UBAC1: variants seen among roughly 807,000 people sequenced by gnomAD.
The protein encoded by UBAC1 is UBA domain containing 1.
UBAC1 carries 27 observed loss-of-function variants against 45.9 expected under a neutral mutation model. The ratio of observed to expected loss-of-function variants is 0.59; its 90% confidence interval spans 0.43 to 0.81. The LOEUF (loss-of-function observed/expected upper bound fraction) is 0.81. UBAC1 is among the 30% of genes least tolerant of loss of function. UBAC1 has a pLI of 0.00. For synonymous variants in UBAC1, 227 were observed against 215.5 expected, an observed-to-expected ratio of 1.05 and a Z score of -0.47; for missense variants, 529 against 539.2, an observed-to-expected ratio of 0.98 and a Z score of 0.19.
chr9:135,948,087 CGTGT>C, intron 3 of UBAC1, 182 bp from the exon 4 acceptor site: 1 of 580,710 alleles, frequency 1.7e-6, no homozygotes, highest in South Asian at 2.2e-5. Context: ...GGACAGCAGA[CGTGT>C]CCTCAGCGTC....
chr9:135,960,590 GA>G (rs34640525), intron 1 of UBAC1, among the ~76,000 whole-genome samples: 147,273 of 152,186 alleles, frequency 0.97, 71,452 homozygotes, highest in East Asian at 1. Flanking sequence ...AGATGCTGCT[GA>G]AAAAAAACCT....
chr9:135,954,138 T>TAAAA (rs1461891584), intron 2 of UBAC1, among the ~76,000 whole-genome samples: 2 of 103,614 alleles, frequency 1.9e-5, no homozygotes, highest in East Asian at 2.7e-4. Context: ...GACTTCATCT[T>TAAAA]AAAAAAAAAA....
chr9:135,933,424 G>A lies in UBAC1; in HGVS notation c.1194C>T (p.Ile398=). 1 of 1,614,180 alleles carries A rather than the reference G, an allele frequency of 6.2e-7. No homozygotes were observed. Among genetic ancestry groups the A allele is most frequent in the Non-Finnish European group, 8.5e-7 (1 of 1,180,014 alleles). ...TGPVMLQISR[I]FQTLNRT ...CCTACGTGCGATTTAGTGTCTGGAA[G>A]ATTCTAGAGATCTGCAGCATGACAG... Residue 398 remains isoleucine, a synonymous_variant, in exon 10 of 10, where the codon ATC becomes ATT. Coordinates refer to ENST00000371756, the MANE Select transcript of UBAC1 (RefSeq NM_016172.3).
intron 7 of UBAC1, 65 bp from the exon 8 acceptor site, chr9:135,939,824 G>A (rs762042255): frequency 4.2e-6 from 6 of 1,431,874 alleles, no homozygotes; most frequent in South Asian, 3.7e-5. Flanking sequence ...AGTGACCTGC[G>A]TGCAGAGGGG....
intron 7 of UBAC1, 90 bp from the exon 8 acceptor site, chr9:135,939,849 C>CCTCCG: frequency 2.7e-6 from 3 of 1,123,848 alleles, no homozygotes; most frequent in African/African-American, 1.5e-5. Context: ...CTCCCCGCAC[C>CCTCCG]CTAGCGGAGG....
rs377195572 is a variant in UBAC1 at position 135,933,394 on chromosome 9, C to T, written c.*6G>A. On this transcript the variant is annotated 3_prime_UTR_variant, in exon 10 of 10. Coordinates refer to ENST00000371756, the MANE Select transcript of UBAC1 (RefSeq NM_016172.3). ...GTGGCCTGATAGCCGAGTGGAACAA[C>T]GCCACCTACGTGCGATTTAGTGTCT... is the stretch of plus-strand genomic sequence containing the variant. The T allele has an allele frequency of 9.4e-5, 151 of 1,612,948 alleles. 3 individuals are homozygous for T. Among genetic ancestry groups the T allele is most frequent in the South Asian group, 6.9e-4 (63 of 91,072 alleles).
intron 1 of UBAC1, among the ~76,000 whole-genome samples, chr9:135,956,428 C>T (rs1403225927): frequency 6.6e-6 from 1 of 152,130 alleles, no homozygotes; most frequent in African/African-American, 2.4e-5. Flanking sequence ...CTAGGCGCGT[C>T]GGCTCACCAT....
chr9:135,933,930 G>A (rs1329506356), intron 9 of UBAC1, among the ~76,000 whole-genome samples: 4 of 152,066 alleles, frequency 2.6e-5, no homozygotes, highest in Admixed American at 6.6e-5. Flanking sequence ...CTGGAAAAAC[G>A]TAATGCTCAG....
chr9:135,948,707 G>C (rs1234240703), intron 3 of UBAC1, among the ~76,000 whole-genome samples: 3 of 152,224 alleles, frequency 2.0e-5, no homozygotes, highest in Non-Finnish European at 4.4e-5. Flanking sequence ...GGTGGGAGGG[G>C]GCAAAATGGC....
At position 135,953,652 on chromosome 9, in the gene UBAC1, G is replaced by C. The variant is rs767020532; in HGVS notation, c.333+28C>G. 4 of 1,600,640 alleles carry C rather than the reference G, an allele frequency of 2.5e-6. No homozygotes were observed. The South Asian group carries it at 4.4e-5, about 18-fold the overall frequency. ...TAAATGTAGACTTCTACCAACCAAG[G>C]TCCCCAATTGCAAACTTTGAAATTT... On this transcript the variant is annotated intron_variant, in intron 3 of 9. Transcript: ENST00000371756.
Position 135,946,014 on chromosome 9 carries a change from G to C in UBAC1, c.545-17C>G, listed in dbSNP as rs1367350366. The C allele has an allele frequency of 6.2e-7, 1 of 1,606,160 alleles. No homozygotes were observed. ...CCAGCATTGCTGCAGGGAGACGACA[G>C]GGCCATGAGGGCTCCAGCCTCAGGT... On this transcript the variant is annotated splice_polypyrimidine_tract_variant and intron_variant, in intron 5 of 9. Transcript: ENST00000371756.
chr9:135,946,264 C>A lies in UBAC1; in HGVS notation c.544+5G>T, dbSNP rs1257004768. On this transcript the variant is annotated splice_donor_5th_base_variant and intron_variant, in intron 5 of 9. Coordinates refer to ENST00000371756, the MANE Select transcript of UBAC1 (RefSeq NM_016172.3). ...CTGGAATGCAGCATCGGGGTTGACT[C>A]ATACCATTCGCCTTCTTAAACAATT... 2.1e-5 allele frequency: 34 copies of A among 1,601,894 alleles called. No homozygotes were observed. The highest frequency in any genetic ancestry group is 2.7e-5 in the Non-Finnish European group (32 of 1,169,162).
intron 3 of UBAC1, 130 bp from the exon 4 acceptor site, chr9:135,948,035 TG>T: frequency 1.2e-6 from 1 of 814,418 alleles, no homozygotes; most frequent in South Asian, 1.8e-5. Flanking sequence ...GTAAACTCCT[TG>T]ATGAGCTGGG....
At chr9:135,943,992 A>T (rs1258543814) in intron 7 of UBAC1, among the ~76,000 whole-genome samples, 2 of 152,320 alleles carry the variant, frequency 1.3e-5, no homozygotes, top group East Asian at 3.9e-4. Context: ...GAGGGAGAGC[A>T]TCATGAAAAA....
At chr9:135,944,926 C>T (rs1839308752) in intron 7 of UBAC1, 102 bp downstream of exon 7, 1 of 1,211,304 alleles carries the variant, frequency 8.3e-7, no homozygotes, top group Non-Finnish European at 1.2e-6. Context: ...CAGGAGCCAG[C>T]TCAGCCCAAG....
intron 9 of UBAC1, among the ~76,000 whole-genome samples, chr9:135,934,626 C>T (rs1257447939): frequency 6.6e-6 from 1 of 152,164 alleles, no homozygotes; most frequent in African/African-American, 2.4e-5. Flanking sequence ...CGCCACTGCA[C>T]TCCAGCCTGG....
intron 6 of UBAC1, 80 bp from the exon 7 acceptor site, chr9:135,945,330 C>T (rs1406468318): frequency 1.5e-5 from 19 of 1,266,748 alleles, no homozygotes; most frequent in Non-Finnish European, 1.1e-6. Context: ...CCAAGAAGAG[C>T]CTCTGCTATG....
chr9:135,949,679 G>C (rs558594400), intron 3 of UBAC1, among the ~76,000 whole-genome samples: 90 of 152,348 alleles, frequency 5.9e-4, no homozygotes, highest in African/African-American at 2.0e-3. Flanking sequence ...CCAAGGGACA[G>C]ATCGAGAAGA....
At chr9:135,933,550 G>GC (rs762792820) in intron 9 of UBAC1, 35 bp from the exon 10 acceptor site, 2 of 1,522,178 alleles carry the variant, frequency 1.3e-6, no homozygotes, top group African/African-American at 1.4e-5. Flanking sequence ...GAGTGCCCAC[G>GC]CCCCCACTCA....
Sources: gnomAD v4.1 joint callset for allele counts (sites outside exome capture counted in the v4.1 genomes callset) on GRCh38, gnomAD v4.1.1 for gene constraint, MANE v1.5 for transcripts, NCBI Gene and HGNC (gene_info 2026-07-23, HGNC 2026-07-21) for gene names.